Variants in DENND5A observed in about 807,000 individuals in gnomAD.
DENND5A encodes DENN domain containing 5A, also known as DENN domain-containing protein 5A.
In DENND5A, 64 loss-of-function variants were observed where a neutral mutation model predicts 140.3. The observed-to-expected ratio is 0.46, with a 90% CI of 0.37 to 0.56. The LOEUF (loss-of-function observed/expected upper bound fraction) is 0.56. Among genes scored for constraint, DENND5A ranks in the 20% least tolerant of loss-of-function variants. The pLI is 0.00. For missense variants in DENND5A, 1,292 were observed against 1,593.8 expected (o/e 0.81, Z 3.22); for synonymous variants, 605 against 607.7 (o/e 1.00, Z 0.07).
At position 9,147,161 on chromosome 11, in the gene DENND5A, A is replaced by G. The variant is rs753377941; in HGVS notation, c.2736-10T>C. 1.2e-6 allele frequency: 2 copies of G among 1,613,866 alleles called. No individual in the cohort carries two copies. The highest frequency in any genetic ancestry group is 2.2e-5 in the East Asian group (1 of 44,876). ...GCGCTTATATAACTTTCTGTTGGAG[A>G]GGAGGTAATACATCAGTCTCCGACC... On this transcript the variant is annotated splice_polypyrimidine_tract_variant and intron_variant, in intron 15 of 22. Coordinates refer to ENST00000328194, the MANE Select transcript of DENND5A (RefSeq NM_015213.4).
chr11:9,237,424 A>G (rs1347742434), intron 1 of DENND5A, among the ~76,000 whole-genome samples: 1 of 152,200 alleles, frequency 6.6e-6, no homozygotes, highest in African/African-American at 2.4e-5. Context: ...CTCCGTCTCC[A>G]GAAAAAAAGA....
At chr11:9,174,723 T>A (rs1192409014) in intron 8 of DENND5A, among the ~76,000 whole-genome samples, 1 of 151,210 alleles carries the variant, frequency 6.6e-6, no homozygotes, top group African/African-American at 2.4e-5. Flanking sequence ...ACAAAAAAAA[T>A]CAATATAATT....
chr11:9,141,942 G>C lies in DENND5A; in HGVS notation c.3678C>G (p.Ala1226=). ...GKFQMLVCLG[A]RDHLLHHWIA... ...TCTGGGCCCTGGGTCTGCAGTACCTGGCTCCCAAGCACACCAGCATCTGAA... is the reference window on the plus strand; with the variant it reads ...TCTGGGCCCTGGGTCTGCAGTACCTCGCTCCCAAGCACACCAGCATCTGAA... The change falls in exon 22 of 23, where the codon GCC becomes GCG. Residue 1226 remains alanine, a splice_region_variant and synonymous_variant. Transcript: ENST00000328194. 1 of 1,585,318 alleles carries C rather than the reference G, an allele frequency of 6.3e-7. No homozygotes were observed. Among genetic ancestry groups the C allele is most frequent in the Non-Finnish European group, 8.6e-7 (1 of 1,164,846 alleles).
intron 4 of DENND5A, among the ~76,000 whole-genome samples, chr11:9,197,553 G>C (rs1849374302): frequency 6.6e-6 from 1 of 151,694 alleles, no homozygotes; most frequent in Non-Finnish European, 1.5e-5. Flanking sequence ...AAATTAGCCA[G>C]GTGTGGTTGC....
intron 4 of DENND5A, among the ~76,000 whole-genome samples, chr11:9,195,658 G>A (rs1311697947): frequency 6.6e-6 from 1 of 152,166 alleles, no homozygotes; most frequent in Middle Eastern, 3.2e-3. Context: ...AAGCTGAAAA[G>A]TATTAAGGTA....
At chr11:9,259,567 A>AAAAC (rs201218916) in intron 1 of DENND5A, among the ~76,000 whole-genome samples, 2,092 of 152,002 alleles carry the variant, frequency 0.014, 45 homozygotes, top group African/African-American at 0.044. Flanking sequence ...CTCCCATCTC[A>AAAAC]AAACAAACAA....
rs546696891 is a variant in DENND5A at position 9,139,566 on chromosome 11, A to G, written c.*105T>C. ...AGTTTTCTTTTTACAGTGAGTGTAC[A>G]TTTTGTCTCCTACTCCTGCACAATC... On this transcript the variant is annotated 3_prime_UTR_variant, in exon 23 of 23. Transcript: ENST00000328194. The G allele has an allele frequency of 6.9e-6, 7 of 1,015,954 alleles. No individual in the cohort carries two copies. In the South Asian group the frequency reaches 8.5e-5, roughly 12 times the overall value. 62.9% of individuals were successfully genotyped at this position (1,015,954 alleles called of 1,614,324 possible).
intron 5 of DENND5A, among the ~76,000 whole-genome samples, chr11:9,191,848 T>C (rs879922123): frequency 1.3e-5 from 2 of 152,240 alleles, no homozygotes; most frequent in Admixed American, 1.3e-4. Context: ...TACAGAATCA[T>C]AATTAGGTTG....
rs570267724 is a variant in DENND5A at position 9,196,669 on chromosome 11, G to A, written c.950-2988C>T. ...TCTGTCGCCCAGGCTGGAGCGCAGT[G>A]GTGGGATCTCTGCTCACTGCAACCT... On this transcript the variant is annotated intron_variant, in intron 4 of 22. Coordinates refer to ENST00000328194, the MANE Select transcript of DENND5A (RefSeq NM_015213.4). Among the ~76,000 whole-genome samples the A allele has an allele frequency of 2.6e-5, 4 of 152,148 alleles. No homozygotes were observed. In the East Asian group the frequency reaches 7.8e-4, roughly 30 times the overall value.
At chr11:9,181,111 A>G (rs752736857) in intron 5 of DENND5A, 27 bp from the exon 6 acceptor site, 13 of 1,594,558 alleles carry the variant, frequency 8.2e-6, no homozygotes, top group Admixed American at 3.4e-5. Flanking sequence ...GATGAGGAGT[A>G]TGAATAACTC....
rs1848338815 is a variant in DENND5A, at chr11:9,170,631, T to G, written c.2053A>C (p.Asn685His). 1 of 1,613,846 alleles carries G rather than the reference T, an allele frequency of 6.2e-7. No homozygotes were observed. Among genetic ancestry groups the G allele is most frequent in the Non-Finnish European group, 8.5e-7 (1 of 1,179,998 alleles). Residue 685 changes from asparagine to histidine, a missense_variant, in exon 9 of 23, where the codon AAC (asparagine) becomes CAC (histidine). By Grantham distance (68) the Asn-to-His change is moderately conservative. Coordinates refer to ENST00000328194, the MANE Select transcript of DENND5A (RefSeq NM_015213.4). ...SDVLSTGPAS[N>H]KWTKRNAPAQ... ...GAATCCCTGGGGTTGACTCACTTGT[T>G]GCTGGCTGGCCCAGTGGAAAGTACA...
rs535689719 is a variant in DENND5A at position 9,255,260 on chromosome 11, G to C, written c.109+9701C>G. ...GCTATTGGAAATGTACACTAGTGCAGCTGTTTTGGAAAACAGACTGGCAGG... is the reference window on the plus strand; with the variant it reads ...GCTATTGGAAATGTACACTAGTGCACCTGTTTTGGAAAACAGACTGGCAGG... On this transcript the variant is annotated intron_variant, in intron 1 of 22. Transcript: ENST00000328194. Among the ~76,000 whole-genome samples the C allele has an allele frequency of 3.3e-5, 5 of 152,268 alleles. No homozygotes were observed. The East Asian group carries it at 9.7e-4, about 29-fold the overall frequency.
At chr11:9,142,943 G>A in intron 20 of DENND5A, 98 bp from the exon 21 acceptor site, 4 of 1,489,310 alleles carry the variant, frequency 2.7e-6, no homozygotes, top group Non-Finnish European at 3.6e-6. Flanking sequence ...TGGGAGGGCT[G>A]CAAAAGACAG....
At chr11:9,154,529 GA>G (rs202162679) in intron 12 of DENND5A, among the ~76,000 whole-genome samples, 3,548 of 150,066 alleles carry the variant, frequency 0.024, 160 homozygotes, top group African/African-American at 0.083. Context: ...CTACTCTGGG[GA>G]AAAAAAAAAA....
intron 12 of DENND5A, among the ~76,000 whole-genome samples, chr11:9,156,788 C>T (rs1016519103): frequency 6.8e-6 from 1 of 147,364 alleles, no homozygotes; most frequent in Non-Finnish European, 1.5e-5. Context: ...TGTGACAGAG[C>T]GAGACTCTCG....
chr11:9,251,321 A>T (rs1372805127), intron 1 of DENND5A, among the ~76,000 whole-genome samples: 1 of 152,080 alleles, frequency 6.6e-6, no homozygotes, highest in East Asian at 1.9e-4. Context: ...GGCCAAGCAA[A>T]ATTTTAACCT....
intron 1 of DENND5A, among the ~76,000 whole-genome samples, chr11:9,258,506 T>C (rs1460502109): frequency 1.3e-5 from 2 of 152,190 alleles, no homozygotes; most frequent in African/African-American, 4.8e-5. Flanking sequence ...TGTGCCATCT[T>C]CTTTATCCAG....
At chr11:9,237,832 G>A (rs1274635869) in intron 1 of DENND5A, among the ~76,000 whole-genome samples, 18 of 151,968 alleles carry the variant, frequency 1.2e-4, no homozygotes, top group Non-Finnish European at 2.6e-4. Context: ...GCAGTGAGCC[G>A]AGATTACACC....
At chr11:9,223,866 T>C (rs536982359) in intron 1 of DENND5A, among the ~76,000 whole-genome samples, 71 of 152,340 alleles carry the variant, frequency 4.7e-4, no homozygotes, top group African/African-American at 1.7e-3. Flanking sequence ...AATCCTTTCA[T>C]AAACAGAGGG....
Sources: gnomAD v4.1 joint callset for allele counts (sites outside exome capture counted in the v4.1 genomes callset) on GRCh38, gnomAD v4.1.1 for gene constraint, MANE v1.5 for transcripts, NCBI Gene and HGNC (gene_info 2026-07-23, HGNC 2026-07-21) for gene names.